The following PTPRN2 variants were observed in gnomAD, a reference collection of about 807,000 sequenced individuals.
The protein encoded by PTPRN2 is receptor-type tyrosine-protein phosphatase N2.
In PTPRN2, 74 loss-of-function variants were observed where a neutral mutation model predicts 118.8. The ratio of observed to expected loss-of-function variants is 0.62; its 90% confidence interval spans 0.52 to 0.76. The LOEUF is 0.76. Among genes scored for constraint, PTPRN2 ranks in the 30% least tolerant of loss-of-function variants. The probability of loss-of-function intolerance (pLI) is 0.00; values close to 1 mark genes in which losing one functional copy is unlikely to be tolerated. For synonymous variants in PTPRN2, 641 were observed against 608.0 expected (o/e 1.05, Z -0.80); for missense variants, 1,481 against 1,394.4 (o/e 1.06, Z -0.99).
In PTPRN2 at chr7:157,609,634, C is replaced by T. The variant is rs746427556; in HGVS notation, c.2345-5559G>A. On this transcript the variant is annotated intron_variant, in intron 15 of 22. Transcript: ENST00000389418. The surrounding 1 kb of genome is among the most constrained non-coding windows in gnomAD (Gnocchi z 4.9). ...TTTGACTCCCAGCCCCACTGCTTGC[C>T]AGCGGGCGATCCTGGGTAAACTGTT... Among the ~76,000 whole-genome samples, 2 of 152,190 alleles carry T rather than the reference C, an allele frequency of 1.3e-5. No homozygotes were observed. The highest frequency in any genetic ancestry group is 2.9e-5 in the Non-Finnish European group (2 of 68,034).
chr7:158,265,841 G>C (rs1454103167), intron 3 of PTPRN2, among the ~76,000 whole-genome samples: 7 of 152,252 alleles, frequency 4.6e-5, no homozygotes, highest in Non-Finnish European at 8.8e-5. Flanking sequence ...CCCTGCCTTT[G>C]GGTGGAGGCC....
rs1805770844 is a variant in PTPRN2 at position 157,808,405 on chromosome 7, G to T, written c.1788+90268C>A. On this transcript the variant is annotated intron_variant, in intron 12 of 22. Transcript: ENST00000389418. The surrounding 1 kb of genome is among the most constrained non-coding windows in gnomAD (Gnocchi z 5.0). Reference sequence around the variant, plus strand: ...GCCAGTCCCCATGGCTCACAGTACTGCCTGGGCTCCACCTCCTGTCAGCTC... The same window carrying T: ...GCCAGTCCCCATGGCTCACAGTACTTCCTGGGCTCCACCTCCTGTCAGCTC... Among the ~76,000 whole-genome samples, 1 of 152,160 alleles carries T rather than the reference G, an allele frequency of 6.6e-6. No homozygotes were observed. Among genetic ancestry groups the T allele is most frequent in the Admixed American group, 6.5e-5 (1 of 15,270 alleles).
At chr7:158,146,138 C>G (rs1051805043) in intron 6 of PTPRN2, among the ~76,000 whole-genome samples, 1 of 152,088 alleles carries the variant, frequency 6.6e-6, no homozygotes, top group Admixed American at 6.6e-5. Flanking sequence ...CATTGTGATC[C>G]TCAGGTGAGA....
Position 157,682,875 on chromosome 7 carries a change from C to T in PTPRN2, c.1851G>A (p.Ala617=), listed in dbSNP as rs971336611. ...TGCAGGCGAGGGAGACCAGGGTGAG[C>T]GCGATGAACTTGGTGGAGTCTTCTT... The part of the protein sequence containing the change: ...AEQEDSTKFI[A]LTLVSLACIL... The change falls in exon 13 of 23, where the codon GCG becomes GCA. Residue 617 remains alanine, a synonymous_variant. Transcript: ENST00000389418. 3 of 1,614,010 alleles carry T rather than the reference C, an allele frequency of 1.9e-6. No individual in the cohort carries two copies. Among genetic ancestry groups the T allele is most frequent in the East Asian group, 2.2e-5 (1 of 44,884 alleles).
At chr7:158,424,679 A>G (rs550647350) in intron 2 of PTPRN2, among the ~76,000 whole-genome samples, 1 of 152,382 alleles carries the variant, frequency 6.6e-6, no homozygotes, top group East Asian at 1.9e-4. Flanking sequence ...CTGAGAGCAG[A>G]GTCAAGCACG....
chr7:158,133,548 C>T (rs1342653687), intron 9 of PTPRN2, 129 bp downstream of exon 9: 7 of 1,311,048 alleles, frequency 5.3e-6, no homozygotes, highest in Non-Finnish European at 7.1e-6. Context: ...GGGATGCCTG[C>T]ACCCCATTAT....
At chr7:157,653,422 G>A (rs1463074338) in intron 14 of PTPRN2, among the ~76,000 whole-genome samples, 1 of 152,196 alleles carries the variant, frequency 6.6e-6, no homozygotes, top group Admixed American at 6.5e-5. Context: ...CCTTGTAGCT[G>A]TGATGAGTCG....
chr7:158,478,094 C>A (rs533524023), intron 2 of PTPRN2, among the ~76,000 whole-genome samples: 7 of 152,378 alleles, frequency 4.6e-5, no homozygotes, highest in Admixed American at 3.3e-4. Context: ...GCTGCAGAGT[C>A]ACCACGGAGC....
chr7:158,199,985 A>C (rs958872304), intron 4 of PTPRN2, among the ~76,000 whole-genome samples: 1 of 152,218 alleles, frequency 6.6e-6, no homozygotes, highest in African/African-American at 2.4e-5. Context: ...GCCACAAATT[A>C]AATCCAAAAT....
At chr7:157,980,197 C>A (rs570315889) in intron 11 of PTPRN2, among the ~76,000 whole-genome samples, 1 of 152,312 alleles carries the variant, frequency 6.6e-6, no homozygotes, top group South Asian at 2.1e-4. Context: ...ACTTGTTGAT[C>A]AGGGTATTCA....
chr7:157,551,841 A>G (rs1472989392), intron 21 of PTPRN2, among the ~76,000 whole-genome samples: 15 of 125,472 alleles, frequency 1.2e-4, no homozygotes, highest in South Asian at 5.8e-4. Flanking sequence ...CAGCCACCAC[A>G]CACCCCACAG....
intron 13 of PTPRN2, among the ~76,000 whole-genome samples, chr7:157,679,440 A>G (rs965899422): frequency 1.3e-5 from 2 of 152,354 alleles, no homozygotes; most frequent in East Asian, 3.9e-4. Flanking sequence ...AGTCTGTCAA[A>G]AAAGATTTGC....
intron 5 of PTPRN2, among the ~76,000 whole-genome samples, chr7:158,185,257 T>A (rs2150673839): frequency 6.6e-6 from 1 of 152,360 alleles, no homozygotes; most frequent in South Asian, 2.1e-4. Context: ...AGACTTATTT[T>A]ATGGCCCAGC....
At chr7:158,067,008 G>C (rs1810826836) in intron 11 of PTPRN2, among the ~76,000 whole-genome samples, 1 of 152,188 alleles carries the variant, frequency 6.6e-6, no homozygotes, top group African/African-American at 2.4e-5. Context: ...TGAAAGGTTA[G>C]AGCTGGGGAG....
At chr7:157,669,174 G>A (rs1796281394) in intron 13 of PTPRN2, among the ~76,000 whole-genome samples, 1 of 152,150 alleles carries the variant, frequency 6.6e-6, no homozygotes. Context: ...ACAGGGCCAC[G>A]CTCACTTCTG....
At chr7:157,701,012 G>A (rs796635102) in intron 12 of PTPRN2, among the ~76,000 whole-genome samples, 10 of 152,348 alleles carry the variant, frequency 6.6e-5, no homozygotes, top group African/African-American at 2.4e-4. Flanking sequence ...TTTCGCACAC[G>A]TGGAGACAGG....
At chr7:157,753,143 C>G (rs1303479051) in intron 12 of PTPRN2, among the ~76,000 whole-genome samples, 2 of 152,210 alleles carry the variant, frequency 1.3e-5, no homozygotes, top group African/African-American at 4.8e-5. Context: ...ACACTTATGT[C>G]TCTGCTCAAA....
At chr7:158,337,975 C>T (rs1471159453) in intron 2 of PTPRN2, among the ~76,000 whole-genome samples, 3 of 48,714 alleles carry the variant, frequency 6.2e-5, no homozygotes, top group African/African-American at 7.7e-5. Flanking sequence ...CGCCCGCAGA[C>T]GTCACTCACA....
intron 12 of PTPRN2, among the ~76,000 whole-genome samples, chr7:157,696,673 T>C (rs910510654): frequency 6.7e-6 from 1 of 150,202 alleles, no homozygotes; most frequent in African/African-American, 2.5e-5. Context: ...CTATGCATAC[T>C]GGATCTTGGC....
Sources: allele counts gnomAD v4.1 joint callset (sites outside exome capture counted in the v4.1 genomes callset), GRCh38; gene constraint gnomAD v4.1.1; non-coding constraint Gnocchi (gnomAD v3.1); transcripts MANE v1.5; gene names NCBI Gene and HGNC (gene_info 2026-07-23, HGNC 2026-07-21).